The following TOM1 variants were observed in gnomAD, a reference collection of about 807,000 sequenced individuals.
The protein encoded by TOM1 is target of myb1 membrane trafficking protein.
A neutral mutation model predicts 61.3 loss-of-function variants in TOM1; 38 were observed. The observed-to-expected ratio is 0.62, with a 90% CI of 0.48 to 0.81. TOM1 has a LOEUF of 0.81. Ranked by LOEUF, TOM1 falls within the 40% of genes least tolerant of loss-of-function variation. TOM1 has a pLI of 0.00. For synonymous variants in TOM1, 270 were observed against 268.8 expected (o/e 1.00, Z -0.04); for missense variants, 591 against 659.6 (o/e 0.90, Z 1.14).
chr22:35,323,535 G>T lies in TOM1; in HGVS notation c.406G>T (p.Gly136Cys). 6.2e-7 allele frequency: 1 copy of T among 1,614,172 alleles called. No homozygotes were observed. Among genetic ancestry groups the T allele is most frequent in the Non-Finnish European group, 8.5e-7 (1 of 1,180,034 alleles). The change falls in exon 5 of 15, where the codon GGT becomes TGT. Residue 136 changes from glycine to cysteine, a missense_variant. Transcript: ENST00000449058. The surrounding 1 kb of genome is among the most constrained non-coding windows in gnomAD (Gnocchi z 4.2). ...GTTCCGCAGCTCGCCCGATCTGACA[G>T]GTGTGGTCACCATCTATGAGGACCT... ...DAFRSSPDLT[G>C]VVTIYEDLRR...
intron 2 of TOM1, among the ~76,000 whole-genome samples, chr22:35,318,483 G>C (rs933354195): frequency 3.3e-5 from 5 of 152,258 alleles, no homozygotes; most frequent in African/African-American, 9.6e-5. Flanking sequence ...GGGCGTTTCT[G>C]GTGTTGGGGT....
At chr22:35,341,657 G>C (rs1929891963) in intron 12 of TOM1, among the ~76,000 whole-genome samples, 1 of 152,158 alleles carries the variant, frequency 6.6e-6, no homozygotes. Flanking sequence ...CCCAGAGACA[G>C]GGTTCACTTC....
At position 35,323,429 on chromosome 22, in the gene TOM1, G is replaced by T. The variant is rs1928017874; in HGVS notation, c.367-67G>T. 6.4e-7 allele frequency: 1 copy of T among 1,559,218 alleles called. No homozygotes were observed. The highest frequency in any genetic ancestry group is 8.7e-7 in the Non-Finnish European group (1 of 1,145,194). ...GGGAAAGAATGTCTGTTCTCTGTCT[G>T]AGTGCCAGGTGGGCAGGCTCACAGG... On this transcript the variant is annotated intron_variant, in intron 4 of 14. Transcript: ENST00000449058. The surrounding 1 kb of genome is among the most constrained non-coding windows in gnomAD (Gnocchi z 4.2).
chr22:35,299,760 G>C (rs1925536837), upstream of TOM1: 12 of 720,640 alleles, frequency 1.7e-5, no homozygotes, highest in Non-Finnish European at 2.7e-5. Context: ...CCTCCGCCTC[G>C]GGGGCGGGAC....
chr22:35,343,518 TACAC>T (rs912989467), intron 12 of TOM1, among the ~76,000 whole-genome samples: 1 of 79,592 alleles, frequency 1.3e-5, no homozygotes, highest in African/African-American at 4.9e-5. Flanking sequence ...CTCATACACC[TACAC>T]ACACCACACA....
At chr22:35,333,141 C>T in intron 9 of TOM1, 127 bp downstream of exon 9, 1 of 1,112,094 alleles carries the variant, frequency 9.0e-7, no homozygotes, top group Non-Finnish European at 1.4e-6. Flanking sequence ...TAGAGAAATC[C>T]CCTTCTAACT....
chr22:35,343,186 C>G, intron 12 of TOM1, among the ~76,000 whole-genome samples: 1 of 141,072 alleles, frequency 7.1e-6, no homozygotes, highest in Non-Finnish European at 1.5e-5. Flanking sequence ...ACACACCACA[C>G]CTCCACTCAT....
chr22:35,319,004 G>A (rs1927546145), intron 2 of TOM1, among the ~76,000 whole-genome samples: 1 of 152,246 alleles, frequency 6.6e-6, no homozygotes, highest in Non-Finnish European at 1.5e-5. Context: ...ACACAGTCAA[G>A]GCCCAGTCAG....
chr22:35,346,688 C>T (rs1037951644), intron 13 of TOM1, among the ~76,000 whole-genome samples: 10 of 152,316 alleles, frequency 6.6e-5, no homozygotes, highest in Middle Eastern at 3.4e-3. Flanking sequence ...GCCCCCACCC[C>T]GCCCCCATTT....
intron 1 of TOM1, among the ~76,000 whole-genome samples, chr22:35,302,231 A>G (rs1048968401): frequency 2.0e-5 from 3 of 151,686 alleles, no homozygotes; most frequent in Non-Finnish European, 4.4e-5. Context: ...GGCTTGTTAA[A>G]TAATGTCGGG....
intron 12 of TOM1, among the ~76,000 whole-genome samples, chr22:35,341,019 A>G (rs916976735): frequency 4.6e-5 from 7 of 152,180 alleles, no homozygotes; most frequent in Non-Finnish European, 8.8e-5. Flanking sequence ...CACCAAGCAC[A>G]GCACATTGCA....
intron 6 of TOM1, 88 bp downstream of exon 6, chr22:35,324,002 C>T (rs766004651): frequency 1.8e-4 from 262 of 1,456,700 alleles, no homozygotes; most frequent in Non-Finnish European, 2.2e-4. Context: ...TTACCATCCA[C>T]GGAGCCTCCA....
intron 7 of TOM1, 104 bp from the exon 8 acceptor site, chr22:35,330,243 C>T: frequency 8.1e-7 from 1 of 1,227,796 alleles, no homozygotes; most frequent in Non-Finnish European, 1.1e-6. Flanking sequence ...GATCGCACCA[C>T]TGCACTCCAG....
Position 35,347,136 on chromosome 22 carries a change from C to T in TOM1, c.1406C>T (p.Pro469Leu), listed in dbSNP as rs566002656. ...NLSSPSAEGP[P>L]GPPSGPAPRK... ...TCCAGCCCCTCAGCTGAGGGGCCCC[C>T]GGGTCCCCCATCTGGCCCAGCGCCC... The change falls in exon 15 of 15, where the codon CCG (proline) becomes CTG (leucine). Residue 469 changes from proline (P) to leucine (L), a missense_variant. Pro to Leu is a moderately conservative substitution (Grantham distance 98, BLOSUM62 -3). Transcript: ENST00000449058. The T allele has an allele frequency of 2.9e-4, 465 of 1,613,126 alleles. 3 individuals are homozygous for T. The South Asian group carries it at 4.6e-3, about 16-fold the overall frequency.
intron 2 of TOM1, 52 bp downstream of exon 2, chr22:35,318,013 C>A: frequency 6.9e-7 from 1 of 1,450,516 alleles, no homozygotes; most frequent in East Asian, 2.3e-5. Context: ...TCCCACCACG[C>A]AGCACACTCC....
At chr22:35,321,885 C>G in intron 2 of TOM1, 74 bp from the exon 3 acceptor site, 1 of 1,303,026 alleles carries the variant, frequency 7.7e-7, no homozygotes, top group Non-Finnish European at 1.1e-6. Flanking sequence ...AGAACTGTTC[C>G]AACTCTCCAG....
intron 2 of TOM1, 122 bp from the exon 3 acceptor site, chr22:35,321,837 A>G (rs777659743): frequency 1.2e-6 from 1 of 859,114 alleles, no homozygotes; most frequent in South Asian, 1.3e-5. Context: ...CTGGCTGGAT[A>G]CACAAAACAG....
intron 11 of TOM1, among the ~76,000 whole-genome samples, chr22:35,337,504 C>T (rs1241944011): frequency 6.6e-6 from 1 of 152,202 alleles, no homozygotes; most frequent in Non-Finnish European, 1.5e-5. Flanking sequence ...AGGGAATGCC[C>T]CAGCTAGTGG....
At chr22:35,321,936 AC>A in intron 2 of TOM1, 22 bp from the exon 3 acceptor site, 1 of 1,610,546 alleles carries the variant, frequency 6.2e-7, no homozygotes, top group Non-Finnish European at 8.5e-7. Flanking sequence ...TCCTAAGCCC[AC>A]CCTTTTTCTT....
Sources: gnomAD v4.1 joint callset for allele counts (sites outside exome capture counted in the v4.1 genomes callset) on GRCh38, gnomAD v4.1.1 for gene constraint, Gnocchi (gnomAD v3.1) non-coding constraint, MANE v1.5 for transcripts, NCBI Gene and HGNC (gene_info 2026-07-23, HGNC 2026-07-21) for gene names.